The following ZNF793 variants were observed in gnomAD, a reference collection of about 807,000 sequenced individuals.
The protein encoded by ZNF793 is zinc finger protein 793.
ZNF793 carries 5 observed loss-of-function variants against 12.4 expected under a neutral mutation model. The observed-to-expected ratio is 0.40, with a 90% CI of 0.21 to 0.84. The LOEUF (loss-of-function observed/expected upper bound fraction) is 0.84. ZNF793 is among the 40% of genes least tolerant of loss of function. ZNF793 has a pLI of 0.35. For missense variants in ZNF793, 456 were observed against 495.0 expected (o/e 0.92, Z 0.75); for synonymous variants, 162 against 172.4 (o/e 0.94, Z 0.47).
upstream of ZNF793, chr19:37,506,854 T>G (rs775629477): frequency 2.6e-5 from 4 of 152,136 alleles, no homozygotes; most frequent in Non-Finnish European, 5.9e-5. Context: ...ATTACAGCTT[T>G]GAGAAACCCA....
At chr19:37,524,162 A>G (rs929044742) in intron 5 of ZNF793, among the ~76,000 whole-genome samples, 11 of 64,764 alleles carry the variant, frequency 1.7e-4, no homozygotes, top group African/African-American at 4.1e-4. Flanking sequence ...AAATAATAAT[A>G]ATAATAATAA....
chr19:37,511,290 G>A (rs972942043), intron 2 of ZNF793, among the ~76,000 whole-genome samples: 17 of 152,130 alleles, frequency 1.1e-4, no homozygotes, highest in African/African-American at 3.9e-4. Context: ...GAATTTGATA[G>A]GATTCCATTT....
rs2042535634 is a variant in ZNF793 at position 37,539,233 on chromosome 19, G to A, written c.*1354G>A. On this transcript the variant is annotated 3_prime_UTR_variant, in exon 8 of 8. Coordinates refer to ENST00000627814, the MANE Select transcript of ZNF793 (RefSeq NM_001013659.3). ...ATTTGACAAAATGTAGTGTCACCCT[G>A]GTGTACAGTACACTGTTCATATTTT... The A allele has an allele frequency of 6.6e-6, 1 of 152,044 alleles. No homozygotes were observed. The highest frequency in any genetic ancestry group is 6.5e-5 in the Admixed American group (1 of 15,268). The allele number at this position is 152,044 out of a possible 1,614,324, so 9.4% of individuals were successfully genotyped here.
At chr19:37,509,263 T>C (rs1223046040) in intron 2 of ZNF793, among the ~76,000 whole-genome samples, 1 of 152,234 alleles carries the variant, frequency 6.6e-6, no homozygotes, top group Non-Finnish European at 1.5e-5. Flanking sequence ...CAGAGTCATC[T>C]GTGTCTATTA....
chr19:37,538,078 A>T lies in ZNF793; in HGVS notation c.*199A>T, dbSNP rs2042523745. On this transcript the variant is annotated 3_prime_UTR_variant, in exon 8 of 8. Coordinates refer to ENST00000627814, the MANE Select transcript of ZNF793 (RefSeq NM_001013659.3). ...AGGTGCCCACCACCATGCCCGGCTA[A>T]TTTTTTTTTTGTATTTTTAGTAGAG... 2.1e-5 allele frequency: 10 copies of T among 472,894 alleles called. No homozygotes were observed. Among genetic ancestry groups the T allele is most frequent in the East Asian group, 4.0e-5 (1 of 25,158 alleles). 29.3% of individuals were successfully genotyped at this position (472,894 alleles called of 1,614,324 possible).
intron 7 of ZNF793, chr19:37,535,368 G>A (rs1600422565): frequency 6.6e-6 from 1 of 152,126 alleles, no homozygotes; most frequent in Non-Finnish European, 1.5e-5. Flanking sequence ...TAAGTGAGGG[G>A]TTATTAATTA....
chr19:37,529,385 ACT>A (rs1321429764), intron 5 of ZNF793, among the ~76,000 whole-genome samples: 5 of 151,366 alleles, frequency 3.3e-5, no homozygotes, highest in African/African-American at 1.2e-4. Flanking sequence ...CACCCACCAC[ACT>A]TCTCTTTCCA....
intron 2 of ZNF793, among the ~76,000 whole-genome samples, chr19:37,512,664 C>G (rs1351834895): frequency 6.6e-6 from 1 of 152,090 alleles, no homozygotes; most frequent in Non-Finnish European, 1.5e-5. Context: ...TGACCCTTTA[C>G]TCCTAATGTG....
In ZNF793 at chr19:37,537,581, A is replaced by G; in HGVS notation, c.923A>G (p.Glu308Gly). The G allele has an allele frequency of 6.2e-7, 1 of 1,614,208 alleles. No homozygotes were observed. The highest frequency in any genetic ancestry group is 1.1e-5 in the South Asian group (1 of 91,074). Reference sequence around the variant, plus strand: ...GAACATCAGAGAACACACACAGGAGAGAGACCCTTTGTCTGCAGTGAATGC... The same window carrying G: ...GAACATCAGAGAACACACACAGGAGGGAGACCCTTTGTCTGCAGTGAATGC... ...RTEHQRTHTG[E>G]RPFVCSECGK... The change falls in exon 8 of 8, where the codon GAG becomes GGG. Residue 308 changes from glutamate (E) to glycine (G), a missense_variant. By Grantham distance (98) the Glu-to-Gly change is moderately conservative. Transcript: ENST00000627814.
chr19:37,516,100 A>G (rs750638496), intron 2 of ZNF793, among the ~76,000 whole-genome samples: 38 of 152,186 alleles, frequency 2.5e-4, no homozygotes, highest in African/African-American at 8.9e-4. Flanking sequence ...TTGTGAAACC[A>G]CAATGGGTGG....
chr19:37,538,148 C>G lies in ZNF793; in HGVS notation c.*269C>G. 1.2e-5 allele frequency: 4 copies of G among 323,884 alleles called. No homozygotes were observed. The South Asian group carries it at 1.8e-4, about 15-fold the overall frequency. 20.1% of individuals were successfully genotyped at this position (323,884 alleles called of 1,614,324 possible). On this transcript the variant is annotated 3_prime_UTR_variant, in exon 8 of 8. Transcript: ENST00000627814. ...GCCAGGATGGTCTCGATCTCCTGAC[C>G]TTGTGATCTGCCCGCCTTGTCCTCC...
rs2147116549 is a variant in ZNF793, at chr19:37,538,094, T to TC, written c.*215_*216insC. On this transcript the variant is annotated 3_prime_UTR_variant, in exon 8 of 8. Coordinates refer to ENST00000627814, the MANE Select transcript of ZNF793 (RefSeq NM_001013659.3). ...GCCCGGCTAATTTTTTTTTTGTATT[T>TC]TTAGTAGAGACGGGGTTTCACCGTG... is the stretch of plus-strand genomic sequence containing the variant. 2.1e-6 allele frequency: 1 copy of TC among 475,538 alleles called. No individual in the cohort carries two copies. The highest frequency in any genetic ancestry group is 3.9e-5 in the East Asian group (1 of 25,350). 29.5% of individuals were successfully genotyped at this position (475,538 alleles called of 1,614,324 possible).
rs544377578 is a variant in ZNF793 at position 37,537,980 on chromosome 19, C to G, written c.*101C>G. 21 of 1,344,090 alleles carry G rather than the reference C, an allele frequency of 1.6e-5. No individual in the cohort carries two copies. Among genetic ancestry groups the G allele is most frequent in the Non-Finnish European group, 2.1e-5 (21 of 1,021,614 alleles). 83.3% of individuals were successfully genotyped at this position (1,344,090 alleles called of 1,614,324 possible). A position where few individuals can be genotyped will look rare whatever the true frequency, so the allele number is the denominator to read the frequency against. On this transcript the variant is annotated 3_prime_UTR_variant, in exon 8 of 8. Transcript: ENST00000627814. ...AGGCTGGAGTGCAGTGGCGCGATCT[C>G]GGCTTACTGCAAGCTCTGCCTCCCG...
chr19:37,512,575 C>T (rs1254564738), intron 2 of ZNF793, among the ~76,000 whole-genome samples: 4 of 135,518 alleles, frequency 3.0e-5, no homozygotes, highest in African/African-American at 1.0e-4. Context: ...TACCCTTCAC[C>T]CCATTCTGTA....
intron 2 of ZNF793, among the ~76,000 whole-genome samples, chr19:37,512,204 T>C (rs2042299168): frequency 6.6e-6 from 1 of 152,140 alleles, no homozygotes; most frequent in Admixed American, 6.6e-5. Flanking sequence ...TGATTTTAAA[T>C]AATTTCAGAT....
chr19:37,532,887 T>A (rs2042473478), intron 6 of ZNF793, among the ~76,000 whole-genome samples: 1 of 152,198 alleles, frequency 6.6e-6, no homozygotes, highest in South Asian at 2.1e-4. Context: ...TTAATAATTA[T>A]CTAGCACTTT....
chr19:37,524,663 T>G (rs904231142), intron 5 of ZNF793, among the ~76,000 whole-genome samples: 3 of 152,166 alleles, frequency 2.0e-5, no homozygotes, highest in Non-Finnish European at 2.9e-5. Context: ...AGGACTGAAG[T>G]AGAAAAGCAC....
At chr19:37,513,427 A>C (rs1212907510) in intron 2 of ZNF793, among the ~76,000 whole-genome samples, 1 of 152,206 alleles carries the variant, frequency 6.6e-6, no homozygotes, top group Non-Finnish European at 1.5e-5. Flanking sequence ...ACAAAATAGG[A>C]GGTGCACATT....
intron 7 of ZNF793, 93 bp downstream of exon 7, chr19:37,533,496 C>A: frequency 2.8e-6 from 3 of 1,079,892 alleles, no homozygotes; most frequent in Non-Finnish European, 4.2e-6. Context: ...CCTTGAAAGT[C>A]CTCCGAGAGC....
Sources: allele counts gnomAD v4.1 joint callset (sites outside exome capture counted in the v4.1 genomes callset), GRCh38; gene constraint gnomAD v4.1.1; transcripts MANE v1.5; gene names NCBI Gene and HGNC (gene_info 2026-07-23, HGNC 2026-07-21).